Variants in EZR observed in about 807,000 individuals in gnomAD.
EZR encodes ezrin, also known as cytovillin 2.
A neutral mutation model predicts 74.8 loss-of-function variants in EZR; 40 were observed. That is an observed-to-expected ratio of 0.53 (90% CI 0.42 to 0.70). EZR has a LOEUF of 0.70. EZR is among the 30% of genes least tolerant of loss of function. The pLI, the probability that EZR is intolerant of heterozygous loss-of-function variation, is 0.00. For missense variants in EZR, 678 were observed against 755.8 expected (o/e 0.90, Z 1.21); for synonymous variants, 341 against 283.3 (o/e 1.20, Z -2.05).
chr6:158,790,659 G>A (rs541710764), intron 2 of EZR, among the ~76,000 whole-genome samples: 113 of 151,264 alleles, frequency 7.5e-4, no homozygotes, highest in Admixed American at 1.8e-3. Context: ...CGGCTCCGGA[G>A]CAAGACTCCA....
intron 2 of EZR, among the ~76,000 whole-genome samples, chr6:158,812,399 T>C (rs1777468094): frequency 6.6e-6 from 1 of 152,132 alleles, no homozygotes; most frequent in African/African-American, 2.4e-5. Context: ...ATTTAAAACA[T>C]AAGCACCCAG....
At chr6:158,780,182 CA>C (rs67002848) in intron 7 of EZR, among the ~76,000 whole-genome samples, 55,097 of 126,926 alleles carry the variant, frequency 0.43, 10,640 homozygotes, top group Non-Finnish European at 0.5. Context: ...GATTCCATAT[CA>C]AAAAAAAAAA....
At chr6:158,796,731 T>A (rs1481981345) in intron 2 of EZR, among the ~76,000 whole-genome samples, 2 of 152,236 alleles carry the variant, frequency 1.3e-5, no homozygotes, top group Non-Finnish European at 2.9e-5. Context: ...GCTGAAAGGC[T>A]GTTGCCTGTC....
At chr6:158,801,199 C>A (rs1777179545) in intron 2 of EZR, among the ~76,000 whole-genome samples, 1 of 152,192 alleles carries the variant, frequency 6.6e-6, no homozygotes. Flanking sequence ...ACTGTAGCCT[C>A]CACCTCCCGG....
intron 7 of EZR, among the ~76,000 whole-genome samples, chr6:158,782,037 G>A (rs546488182): frequency 6.6e-6 from 1 of 152,324 alleles, no homozygotes; most frequent in South Asian, 2.1e-4. Context: ...GGGATTCCAG[G>A]TGTGAGCCGC....
At chr6:158,802,821 C>T (rs146114434) in intron 2 of EZR, among the ~76,000 whole-genome samples, 5 of 152,244 alleles carry the variant, frequency 3.3e-5, no homozygotes, top group East Asian at 3.9e-4. Flanking sequence ...TGAGCCACCG[C>T]GCCCGGCCAG....
intron 12 of EZR, among the ~76,000 whole-genome samples, chr6:158,768,056 C>T (rs897575034): frequency 6.6e-6 from 1 of 151,910 alleles, no homozygotes; most frequent in African/African-American, 2.4e-5. Flanking sequence ...GGTGATATGG[C>T]TGTGTCCCCA....
intron 12 of EZR, among the ~76,000 whole-genome samples, chr6:158,768,671 GCT>G (rs1790996333): frequency 6.6e-6 from 1 of 152,184 alleles, no homozygotes; most frequent in African/African-American, 2.4e-5. Flanking sequence ...GGAGCGACAA[GCT>G]CTGTGTGCGT....
intron 1 of EZR, 79 bp from the exon 2 acceptor site, chr6:158,818,245 A>G (rs1777606459): frequency 2.7e-6 from 2 of 740,672 alleles, no homozygotes; most frequent in Non-Finnish European, 4.2e-6. Context: ...CGGCGCCCGC[A>G]GCGCGCTGCC....
chr6:158,791,403 T>C (rs201944660), intron 2 of EZR, among the ~76,000 whole-genome samples: 48 of 152,310 alleles, frequency 3.2e-4, no homozygotes, highest in East Asian at 2.1e-3. Context: ...AAAGCACGCA[T>C]TTCTCTCAAT....
At position 158,767,321 on chromosome 6, in the gene EZR, G is replaced by GCGGTCATCCCGGATGCCCTCACTA; in HGVS notation, c.1512_1535dup (p.Ser505_Arg512dup). On this transcript the variant is annotated inframe_insertion, in exon 13 of 14. Transcript: ENST00000367075. ...CCTCAGTGATGCGCTTCTCCTCATTGCGGTCATCCCGGATGCCCTCACTAG... is the reference window on the plus strand; with the variant it reads ...CCTCAGTGATGCGCTTCTCCTCATTGCGGTCATCCCGGATGCCCTCACTACGGTCATCCCGGATGCCCTCACTAG... 1 of 1,614,052 alleles carries GCGGTCATCCCGGATGCCCTCACTA rather than the reference G, an allele frequency of 6.2e-7. No individual in the cohort carries two copies. Among genetic ancestry groups the GCGGTCATCCCGGATGCCCTCACTA allele is most frequent in the African/African-American group, 1.3e-5 (1 of 74,932 alleles).
intron 2 of EZR, among the ~76,000 whole-genome samples, chr6:158,806,974 T>C (rs1777353127): frequency 6.6e-6 from 1 of 152,246 alleles, no homozygotes; most frequent in Non-Finnish European, 1.5e-5. Context: ...CTCATATTTA[T>C]GTGCTAAGCT....
intron 3 of EZR, among the ~76,000 whole-genome samples, chr6:158,787,515 G>A (rs546549663): frequency 6.6e-6 from 1 of 152,128 alleles, no homozygotes; most frequent in East Asian, 1.9e-4. Context: ...AAACTCAGCA[G>A]GGCGGGTTAT....
At chr6:158,789,406 G>T in intron 2 of EZR, 35 bp from the exon 3 acceptor site, 1 of 1,576,318 alleles carries the variant, frequency 6.3e-7, no homozygotes, top group Non-Finnish European at 8.7e-7. Context: ...ACGCTTAACT[G>T]AGTATTCTTT....
intron 2 of EZR, among the ~76,000 whole-genome samples, chr6:158,794,291 C>G (rs994064389): frequency 2.6e-5 from 4 of 152,218 alleles, no homozygotes; most frequent in African/African-American, 9.6e-5. Flanking sequence ...ACCACAACCA[C>G]CACCAGCACT....
intron 2 of EZR, among the ~76,000 whole-genome samples, chr6:158,791,185 G>A (rs974947994): frequency 6.6e-6 from 1 of 152,016 alleles, no homozygotes; most frequent in Non-Finnish European, 1.5e-5. Context: ...GGTACAACAA[G>A]TACAGAAGTA....
intron 12 of EZR, among the ~76,000 whole-genome samples, chr6:158,768,333 T>C (rs905067121): frequency 1.3e-5 from 2 of 152,074 alleles, no homozygotes; most frequent in African/African-American, 4.8e-5. Flanking sequence ...TGTGGGACTG[T>C]GAGTCAATTA....
At chr6:158,809,682 T>C (rs1777412924) in intron 2 of EZR, among the ~76,000 whole-genome samples, 1 of 152,130 alleles carries the variant, frequency 6.6e-6, no homozygotes, top group Non-Finnish European at 1.5e-5. Flanking sequence ...TTCCAAATAT[T>C]AGTCCAGCCA....
intron 1 of EZR, among the ~76,000 whole-genome samples, chr6:158,819,092 T>A (rs1777633550): frequency 6.6e-6 from 1 of 151,842 alleles, no homozygotes; most frequent in East Asian, 1.9e-4. Context: ...AGGCTCCGCG[T>A]TTCCTTCGGG....
Sources: allele counts gnomAD v4.1 joint callset (sites outside exome capture counted in the v4.1 genomes callset), GRCh38; gene constraint gnomAD v4.1.1; transcripts MANE v1.5; gene names NCBI Gene and HGNC (gene_info 2026-07-23, HGNC 2026-07-21).